RAB38: variants seen among roughly 807,000 people sequenced by gnomAD.
The protein encoded by RAB38 is ras-related protein Rab-38.
In RAB38, 15 loss-of-function variants were observed where a neutral mutation model predicts 18.4. The ratio of observed to expected loss-of-function variants is 0.82; its 90% CI spans 0.55 to 1.26. The LOEUF (loss-of-function observed/expected upper bound fraction) is 1.26, where lower values mean the gene tolerates loss of function less well. Ranked by LOEUF, RAB38 falls within the 50% of genes most tolerant of loss-of-function variation. The pLI is 0.00. For missense variants in RAB38, 294 were observed against 267.4 expected, an observed-to-expected ratio of 1.10 and a Z score of -0.69; for synonymous variants, 101 against 104.4, an observed-to-expected ratio of 0.97 and a Z score of 0.20.
At chr11:87,907,763 T>G in the RAB38 span, among the ~76,000 whole-genome samples, 2 of 151,774 alleles carry the variant, frequency 1.3e-5, no homozygotes, top group African/African-American at 2.4e-5. Context: ...ATTTCCTTAG[T>G]AACTCATTGG....
At chr11:88,017,515 C>T in the RAB38 span, among the ~76,000 whole-genome samples, 1 of 151,344 alleles carries the variant, frequency 6.6e-6, no homozygotes, top group Non-Finnish European at 1.5e-5. Flanking sequence ...ACATCTGTCT[C>T]TAGTTCTTTT....
chr11:87,819,682 ATATATATATGTGTGTG>A, the RAB38 span, among the ~76,000 whole-genome samples: 18 of 147,100 alleles, frequency 1.2e-4, no homozygotes, highest in African/African-American at 4.2e-4. Flanking sequence ...ATATGTGTAT[ATATATATATGTGTGTG>A]TGTGTATATA....
chr11:88,017,748 T>A, the RAB38 span, among the ~76,000 whole-genome samples: 1 of 145,498 alleles, frequency 6.9e-6, no homozygotes, highest in African/African-American at 2.6e-5. Context: ...AATATATATT[T>A]TATAAAGAGG....
chr11:87,955,186 C>G, the RAB38 span, among the ~76,000 whole-genome samples: 1 of 152,066 alleles, frequency 6.6e-6, no homozygotes, highest in Non-Finnish European at 1.5e-5. Context: ...CATTGGTGCA[C>G]TCTTCCACAT....
the RAB38 span, among the ~76,000 whole-genome samples, chr11:87,812,499 T>A: frequency 2.0e-5 from 3 of 152,238 alleles, no homozygotes; most frequent in Admixed American, 6.5e-5. Context: ...AGGGTTTGTA[T>A]ACATATTGTT....
chr11:88,018,975 G>A, the RAB38 span, among the ~76,000 whole-genome samples: 30 of 151,966 alleles, frequency 2.0e-4, no homozygotes, highest in African/African-American at 7.0e-4. Context: ...ATTTTTGGAA[G>A]GACATTTCAT....
At chr11:87,823,429 A>G in the RAB38 span, among the ~76,000 whole-genome samples, 1 of 151,898 alleles carries the variant, frequency 6.6e-6, no homozygotes, top group Non-Finnish European at 1.5e-5. Flanking sequence ...TAAAATATAT[A>G]TGAAAATTCA....
chr11:88,120,249 G>A (rs1377432772), intron 2 of RAB38, among the ~76,000 whole-genome samples: 2 of 152,198 alleles, frequency 1.3e-5, no homozygotes, highest in East Asian at 3.8e-4. Context: ...CAAAAGTGAA[G>A]TCCAGAGAAA....
the RAB38 span, among the ~76,000 whole-genome samples, chr11:87,888,506 C>T: frequency 6.6e-6 from 1 of 151,912 alleles, no homozygotes; most frequent in African/African-American, 2.4e-5. Context: ...TCAGTTCTCT[C>T]ATTCTAGGAT....
At chr11:88,080,280 T>C in the RAB38 span, among the ~76,000 whole-genome samples, 1 of 151,670 alleles carries the variant, frequency 6.6e-6, no homozygotes, top group African/African-American at 2.4e-5. Flanking sequence ...AAATTTAACT[T>C]TTAAAATATT....
chr11:88,135,918 A>G (rs1469039976), intron 2 of RAB38, among the ~76,000 whole-genome samples: 2 of 152,214 alleles, frequency 1.3e-5, no homozygotes, highest in East Asian at 3.9e-4. Context: ...CAACAATTTT[A>G]CTTACACTAG....
chr11:88,156,547 C>T (rs1017798065), intron 1 of RAB38, among the ~76,000 whole-genome samples: 1 of 151,970 alleles, frequency 6.6e-6, no homozygotes, highest in Non-Finnish European at 1.5e-5. Flanking sequence ...AATAAAAATA[C>T]AAAAATTAGC....
At chr11:88,139,854 C>T (rs145232137) in intron 2 of RAB38, among the ~76,000 whole-genome samples, 181 of 152,270 alleles carry the variant, frequency 1.2e-3, no homozygotes, top group African/African-American at 4.2e-3. Flanking sequence ...TAGGCCTGGT[C>T]TCACCAATGA....
rs765199807 is a variant in RAB38, at chr11:88,175,298, G to A, written c.87C>T (p.Tyr29=). 1 of 1,614,224 alleles carries A rather than the reference G, an allele frequency of 6.2e-7. No individual in the cohort carries two copies. The highest frequency in any genetic ancestry group is 8.5e-7 in the Non-Finnish European group (1 of 1,180,026). ...GVGKTSIIKR[Y]VHQNFSSHYR... The stretch of plus-strand genomic sequence containing the variant: ...AGTGCGAAGAGAAGTTCTGGTGCAC[G>A]TAGCGCTTGATGATACTGGTCTTCC... Residue 29 remains tyrosine (Y), a synonymous_variant, in exon 1 of 3, where the codon TAC becomes TAT. Coordinates refer to ENST00000243662, the MANE Select transcript of RAB38 (RefSeq NM_022337.3).
the RAB38 span, among the ~76,000 whole-genome samples, chr11:87,917,529 GT>G: frequency 0.56 from 41,420 of 74,006 alleles, 9,308 homozygotes; most frequent in South Asian, 0.75. Context: ...TCACTGAAGT[GT>G]TTTTTTTTTT....
chr11:87,951,489 G>C, the RAB38 span, among the ~76,000 whole-genome samples: 1 of 147,786 alleles, frequency 6.8e-6, no homozygotes, highest in Non-Finnish European at 1.5e-5. Context: ...AGAGTTTCTG[G>C]TTTTTCTGCT....
the RAB38 span, among the ~76,000 whole-genome samples, chr11:88,076,665 A>AAT: frequency 6.6e-6 from 1 of 152,054 alleles, no homozygotes; most frequent in Non-Finnish European, 1.5e-5. Context: ...AGCTATAAAG[A>AAT]ATATAGGCTG....
the RAB38 span, among the ~76,000 whole-genome samples, chr11:87,962,058 A>G: frequency 6.6e-6 from 1 of 152,064 alleles, no homozygotes; most frequent in East Asian, 1.9e-4. Context: ...CTAATTACCA[A>G]TTTTATGTTT....
the RAB38 span, among the ~76,000 whole-genome samples, chr11:88,105,809 T>G: frequency 6.6e-6 from 1 of 152,156 alleles, no homozygotes; most frequent in Non-Finnish European, 1.5e-5. Context: ...GAAGAGCAGA[T>G]GCACTGACAA....
Sources: gnomAD v4.1 joint callset for allele counts (sites outside exome capture counted in the v4.1 genomes callset) on GRCh38, gnomAD v4.1.1 for gene constraint, MANE v1.5 for transcripts, NCBI Gene and HGNC (gene_info 2026-07-23, HGNC 2026-07-21) for gene names.